Variants in KAZN observed in about 807,000 individuals in gnomAD.
KAZN encodes the protein kazrin.
In KAZN, 40 loss-of-function variants were observed where a neutral mutation model predicts 87.4. The ratio of observed to expected loss-of-function variants is 0.46; its 90% CI spans 0.36 to 0.60. The LOEUF is 0.60. Ranked by LOEUF, KAZN falls within the 20% of genes least tolerant of loss-of-function variation. The pLI is 0.00. For synonymous variants in KAZN, 466 were observed against 458.3 expected (o/e 1.02, Z -0.22); for missense variants, 898 against 1,073.9 (o/e 0.84, Z 2.29).
At chr1:14,668,138 C>G (rs192347753) in intron 1 of KAZN, among the ~76,000 whole-genome samples, 2 of 152,144 alleles carry the variant, frequency 1.3e-5, no homozygotes, top group African/African-American at 4.8e-5. Flanking sequence ...CCACTATTAA[C>G]GAGAAGGAAA....
At position 14,689,670 on chromosome 1, in the gene KAZN, C is replaced by T. The variant is rs1333363441; in HGVS notation, c.226+90447C>T. ...AGAAAAAAAGAAACAGGTGCACTAC[C>T]CTGCTAGCTGCCAGAAGCGTCATGG... On this transcript the variant is annotated intron_variant, in intron 1 of 14. Transcript: ENST00000376030. Among the ~76,000 whole-genome samples the T allele has an allele frequency of 2.0e-5, 3 of 152,166 alleles. No individual in the cohort carries two copies. In the East Asian group the frequency reaches 5.8e-4, roughly 29 times the overall value.
chr1:14,593,195 G>C (rs1248431465), intron 2 of KAZN, among the ~76,000 whole-genome samples: 2 of 152,230 alleles, frequency 1.3e-5, no homozygotes, highest in Non-Finnish European at 2.9e-5. Flanking sequence ...ATTAAGATGT[G>C]ACTAGAATTC....
intron 1 of KAZN, among the ~76,000 whole-genome samples, chr1:14,048,588 G>A (rs1419646359): frequency 6.6e-6 from 1 of 151,938 alleles, no homozygotes; most frequent in African/African-American, 2.4e-5. Flanking sequence ...GTTTTTAGTA[G>A]AGACAGGGTT....
chr1:14,359,930 C>G (rs1055107817), intron 2 of KAZN, among the ~76,000 whole-genome samples: 1 of 152,136 alleles, frequency 6.6e-6, no homozygotes, highest in African/African-American at 2.4e-5. Context: ...TTGCTCTTCT[C>G]AAGGAGTATC....
At chr1:14,561,593 A>AT (rs2148528630) in intron 2 of KAZN, among the ~76,000 whole-genome samples, 2 of 152,184 alleles carry the variant, frequency 1.3e-5, no homozygotes, top group East Asian at 3.9e-4. Flanking sequence ...GGAGGAGACA[A>AT]CCATAGTCCT....
intron 1 of KAZN, among the ~76,000 whole-genome samples, chr1:14,072,120 G>C (rs1643272040): frequency 6.6e-6 from 1 of 152,136 alleles, no homozygotes. Flanking sequence ...CTGTGAAATG[G>C]GGATGATGGT....
In KAZN at chr1:13,998,518, G is replaced by C. The variant is rs191908770; in HGVS notation, c.91+104762G>C. 5.3e-3 allele frequency among the ~76,000 whole-genome samples: 806 copies of C among 152,154 alleles called. 12 individuals are homozygous for C. The highest frequency in any genetic ancestry group is 0.019 in the African/African-American group (783 of 41,488). The stretch of plus-strand genomic sequence containing the variant: ...AGACACACATAGGCTCAGAATAAAG[G>C]GATGGAGGAATATTTACCAAGCAAA... On this transcript the variant is annotated intron_variant, in intron 1 of 16. Coordinates refer to the KAZN transcript ENST00000636203.
chr1:14,279,783 G>T (rs993016908), intron 2 of KAZN, among the ~76,000 whole-genome samples: 1 of 152,164 alleles, frequency 6.6e-6, no homozygotes, highest in African/African-American at 2.4e-5. Context: ...GAGAGAGAAG[G>T]TTGCCTTCAC....
intron 1 of KAZN, among the ~76,000 whole-genome samples, chr1:14,650,637 T>G (rs539172306): frequency 1.3e-5 from 2 of 152,166 alleles, no homozygotes; most frequent in Admixed American, 1.3e-4. Flanking sequence ...AGATCTACTT[T>G]CAGTATCTTT....
At chr1:14,277,867 C>A (rs1352467867) in intron 2 of KAZN, among the ~76,000 whole-genome samples, 1 of 152,096 alleles carries the variant, frequency 6.6e-6, no homozygotes, top group African/African-American at 2.4e-5. Context: ...TCACCTACTG[C>A]ATTAGGGGTA....
intron 2 of KAZN, among the ~76,000 whole-genome samples, chr1:14,563,208 A>G (rs1283163235): frequency 6.6e-6 from 1 of 152,228 alleles, no homozygotes; most frequent in African/African-American, 2.4e-5. Flanking sequence ...ACCTGCAGTC[A>G]CGCCTGGATC....
intron 1 of KAZN, among the ~76,000 whole-genome samples, chr1:14,747,380 G>T (rs1644289796): frequency 6.6e-6 from 1 of 152,130 alleles, no homozygotes; most frequent in African/African-American, 2.4e-5. Context: ...AGGCTCAAAT[G>T]ATCCTCCTTC....
intron 1 of KAZN, among the ~76,000 whole-genome samples, chr1:14,611,274 C>T (rs755675293): frequency 1.3e-4 from 20 of 152,208 alleles, no homozygotes; most frequent in Non-Finnish European, 2.9e-4. Context: ...GAACGTTCTT[C>T]TGGGCTTTCC....
In KAZN at chr1:14,858,209, C is replaced by CTTTTTTTTTTTTTTTTTTTTTTTTTTT. The variant is rs762613728; in HGVS notation, c.227-102471_227-102470insTTTTTTTTTTTTTTTTTTTTTTTTTTT. ...CTTTCTTTTTTTCTTTTTTCTTTTTCTTTTCTTTTTTTTTTTTTTTTGAGA... is the reference window on the plus strand; with the variant it reads ...CTTTCTTTTTTTCTTTTTTCTTTTTCTTTTTTTTTTTTTTTTTTTTTTTTTTTTTTTCTTTTTTTTTTTTTTTTGAGA... On this transcript the variant is annotated intron_variant, in intron 1 of 14. Transcript: ENST00000376030. 7.3e-4 allele frequency among the ~76,000 whole-genome samples: 85 copies of CTTTTTTTTTTTTTTTTTTTTTTTTTTT among 115,894 alleles called. 9 individuals are homozygous for CTTTTTTTTTTTTTTTTTTTTTTTTTTT. Among genetic ancestry groups the CTTTTTTTTTTTTTTTTTTTTTTTTTTT allele is most frequent in the South Asian group, 1.3e-3 (5 of 3,782 alleles). 76.0% of individuals were successfully genotyped at this position (115,894 alleles called of 152,430 possible). A position where few individuals can be genotyped will look rare whatever the true frequency, so the allele number is the denominator to read the frequency against.
chr1:14,002,745 C>T (rs565085149), intron 1 of KAZN, among the ~76,000 whole-genome samples: 19 of 152,274 alleles, frequency 1.2e-4, no homozygotes, highest in African/African-American at 3.9e-4. Context: ...AACGCTTTTA[C>T]GCTGTTGGTG....
At chr1:14,659,701 A>T (rs1277139543) in intron 1 of KAZN, among the ~76,000 whole-genome samples, 1 of 152,184 alleles carries the variant, frequency 6.6e-6, no homozygotes, top group Non-Finnish European at 1.5e-5. Context: ...TTTTAAAGTG[A>T]GTTTGTTGCA....
chr1:14,453,958 A>T (rs992387680), intron 2 of KAZN, among the ~76,000 whole-genome samples: 1 of 152,232 alleles, frequency 6.6e-6, no homozygotes, highest in Admixed American at 6.5e-5. Flanking sequence ...ACAAAGACAT[A>T]AAAGGCCTTG....
At chr1:15,050,085 GTAGAGTACAGTA>G (rs1674164827) in intron 4 of KAZN, among the ~76,000 whole-genome samples, 1 of 85,552 alleles carries the variant, frequency 1.2e-5, no homozygotes, top group African/African-American at 6.9e-5. Flanking sequence ...GTAGAGTACA[GTAGAGTACAGTA>G]GAGTAGAGTA....
In KAZN at chr1:15,104,184, A is replaced by G; in HGVS notation, c.2043A>G (p.Pro681=). 1 of 1,577,776 alleles carries G rather than the reference A, an allele frequency of 6.3e-7. No homozygotes were observed. The change falls in exon 13 of 15, where the codon CCA becomes CCG. Residue 681 remains proline, a synonymous_variant. Coordinates refer to ENST00000376030, the MANE Select transcript of KAZN (RefSeq NM_201628.3). Reference sequence around the variant, plus strand: ...AGGAGATGAGCGCCGTCTTCCACCCAGCCAAGTGAGCACGGGCTGGGATCC... The same window carrying G: ...AGGAGATGAGCGCCGTCTTCCACCCGGCCAAGTGAGCACGGGCTGGGATCC... ...LAEEMSAVFH[P]ANSTGIREAE...
Sources: gnomAD v4.1 joint callset for allele counts (sites outside exome capture counted in the v4.1 genomes callset) on GRCh38, gnomAD v4.1.1 for gene constraint, MANE v1.5 for transcripts, NCBI Gene and HGNC (gene_info 2026-07-23, HGNC 2026-07-21) for gene names.